RIMS1: variants seen among roughly 807,000 people sequenced by gnomAD.
The protein encoded by RIMS1 is regulating synaptic membrane exocytosis protein 1.
Under a neutral mutation model 214.1 loss-of-function variants are expected in RIMS1, and 83 were observed. The ratio of observed to expected loss-of-function variants is 0.39; its 90% CI spans 0.32 to 0.47. The LOEUF is 0.47. Among genes scored for constraint, RIMS1 ranks in the 20% least tolerant of loss-of-function variants. The probability of loss-of-function intolerance (pLI) is 0.99; values close to 1 mark genes in which losing one functional copy is unlikely to be tolerated. For synonymous variants in RIMS1, 793 were observed against 786.8 expected, an observed-to-expected ratio of 1.01 and a Z score of -0.13; for missense variants, 2,050 against 2,161.8, an observed-to-expected ratio of 0.95 and a Z score of 1.03.
At chr6:71,935,466 A>G (rs2150953605) in intron 1 of RIMS1, among the ~76,000 whole-genome samples, 1 of 152,396 alleles carries the variant, frequency 6.6e-6, no homozygotes, top group African/African-American at 2.4e-5. Flanking sequence ...AAAATTTATA[A>G]TCACATAATT....
At chr6:72,110,134 A>G (rs575565151) in intron 4 of RIMS1, among the ~76,000 whole-genome samples, 4 of 152,116 alleles carry the variant, frequency 2.6e-5, no homozygotes, top group Non-Finnish European at 2.9e-5. Context: ...GTCAGGTAGC[A>G]TGATGCCTCC....
chr6:72,180,301 A>C (rs1193011388), intron 5 of RIMS1, among the ~76,000 whole-genome samples: 1 of 152,220 alleles, frequency 6.6e-6, no homozygotes, highest in Non-Finnish European at 1.5e-5. Context: ...CACATCAGAG[A>C]AGCCTTCTTT....
chr6:72,184,623 G>A (rs1004492363), intron 6 of RIMS1, among the ~76,000 whole-genome samples: 1 of 152,180 alleles, frequency 6.6e-6, no homozygotes, highest in Non-Finnish European at 1.5e-5. Flanking sequence ...TAAGGAAGAG[G>A]TTTGGCTTTT....
At chr6:72,084,983 T>C (rs1834286881) in intron 2 of RIMS1, among the ~76,000 whole-genome samples, 1 of 152,118 alleles carries the variant, frequency 6.6e-6, no homozygotes, top group African/African-American at 2.4e-5. Context: ...AATTGCAACA[T>C]TTTATAAATT....
intron 2 of RIMS1, among the ~76,000 whole-genome samples, chr6:72,007,602 G>C (rs539485725): frequency 2.6e-5 from 4 of 152,178 alleles, no homozygotes; most frequent in Non-Finnish European, 5.9e-5. Flanking sequence ...TGGATAACTA[G>C]AATAACCAAT....
chr6:72,337,446 A>G lies in RIMS1; in HGVS notation c.4366+3611A>G, dbSNP rs182788898. Among the ~76,000 whole-genome samples the G allele has an allele frequency of 2.7e-3, 409 of 151,920 alleles. 2 individuals are homozygous for G. The highest frequency in any genetic ancestry group is 8.9e-3 in the African/African-American group (370 of 41,538). On this transcript the variant is annotated intron_variant, in intron 29 of 33. Coordinates refer to ENST00000521978, the MANE Select transcript of RIMS1 (RefSeq NM_014989.7). ...AGTATTCATGTTTCTAAGTGGATAA[A>G]AGTAATATGTCTACATTTCTAGAGC... is the stretch of plus-strand genomic sequence containing the variant.
At chr6:72,125,175 C>T (rs944204424) in intron 4 of RIMS1, among the ~76,000 whole-genome samples, 8 of 152,222 alleles carry the variant, frequency 5.3e-5, no homozygotes, top group African/African-American at 1.4e-4. Flanking sequence ...GTGTAGATGA[C>T]CTTTTTGTTG....
At chr6:72,057,786 C>T (rs1164836529) in intron 2 of RIMS1, among the ~76,000 whole-genome samples, 1 of 152,292 alleles carries the variant, frequency 6.6e-6, no homozygotes, top group East Asian at 1.9e-4. Context: ...GGATTACAGG[C>T]GTGAGACACC....
At chr6:72,006,914 C>T (rs909517684) in intron 2 of RIMS1, among the ~76,000 whole-genome samples, 3 of 152,180 alleles carry the variant, frequency 2.0e-5, no homozygotes, top group African/African-American at 7.2e-5. Context: ...CATAGCCAAA[C>T]AAAAGACAGA....
intron 6 of RIMS1, among the ~76,000 whole-genome samples, chr6:72,201,575 G>A (rs545455452): frequency 2.0e-5 from 3 of 152,266 alleles, no homozygotes; most frequent in South Asian, 4.1e-4. Flanking sequence ...TTCACACACT[G>A]TTGATCAGAG....
chr6:71,939,013 C>T (rs1447713209), intron 1 of RIMS1, among the ~76,000 whole-genome samples: 3 of 152,122 alleles, frequency 2.0e-5, no homozygotes, highest in Non-Finnish European at 2.9e-5. Flanking sequence ...AAGAAGCCAC[C>T]CAGCAGCCTG....
At chr6:72,127,264 C>T (rs1298523482) in intron 4 of RIMS1, among the ~76,000 whole-genome samples, 1 of 151,376 alleles carries the variant, frequency 6.6e-6, no homozygotes, top group Non-Finnish European at 1.5e-5. Context: ...ACTATATCTG[C>T]ATTCTTCTTT....
intron 3 of RIMS1, 83 bp from the exon 4 acceptor site, chr6:72,099,892 A>C: frequency 9.0e-7 from 1 of 1,106,688 alleles, no homozygotes; most frequent in Non-Finnish European, 1.4e-6. Context: ...TCTTAAAACC[A>C]ATTTATTAAT....
At chr6:72,339,971 A>T (rs1369122590) in intron 29 of RIMS1, among the ~76,000 whole-genome samples, 1 of 151,854 alleles carries the variant, frequency 6.6e-6, no homozygotes, top group Non-Finnish European at 1.5e-5. Flanking sequence ...TTTAATGATC[A>T]CCATTCTAAC....
At position 72,257,858 on chromosome 6, in the gene RIMS1, C is replaced by T. The variant is rs1251492354; in HGVS notation, c.2771-267C>T. On this transcript the variant is annotated intron_variant, in intron 16 of 33. Coordinates refer to ENST00000521978, the MANE Select transcript of RIMS1 (RefSeq NM_014989.7). ...AAATTGAAACAGTATCCCAACTCAT[C>T]GTAATGTCTGAGGCATCAACTGTCA... 3.3e-5 allele frequency among the ~76,000 whole-genome samples: 5 copies of T among 152,146 alleles called. 1 individual carries two copies. In the South Asian group the frequency reaches 8.3e-4, roughly 25 times the overall value.
chr6:71,916,230 A>G (rs1204712658), intron 1 of RIMS1, among the ~76,000 whole-genome samples: 1 of 152,162 alleles, frequency 6.6e-6, no homozygotes, highest in Non-Finnish European at 1.5e-5. Flanking sequence ...TTGTGGGTTA[A>G]TGCTTGAAAA....
At chr6:72,148,175 G>A (rs2043002828) in intron 4 of RIMS1, among the ~76,000 whole-genome samples, 2 of 152,134 alleles carry the variant, frequency 1.3e-5, no homozygotes, top group African/African-American at 4.8e-5. Context: ...GTGTCCTGTG[G>A]TACAGGGACA....
At chr6:71,948,851 A>C (rs936676001) in intron 1 of RIMS1, among the ~76,000 whole-genome samples, 2 of 152,134 alleles carry the variant, frequency 1.3e-5, no homozygotes, top group Non-Finnish European at 2.9e-5. Context: ...GGAAGTGTAA[A>C]GATTCTGTAA....
chr6:72,289,469 G>A (rs1309272011), intron 24 of RIMS1, among the ~76,000 whole-genome samples: 1 of 152,064 alleles, frequency 6.6e-6, no homozygotes, highest in Non-Finnish European at 1.5e-5. Context: ...TAACAGCCCA[G>A]GTTTCAGCGT....
Sources: allele counts gnomAD v4.1 joint callset (sites outside exome capture counted in the v4.1 genomes callset), GRCh38; gene constraint gnomAD v4.1.1; transcripts MANE v1.5; gene names NCBI Gene and HGNC (gene_info 2026-07-23, HGNC 2026-07-21).